RB1CC1: variants seen among roughly 807,000 people sequenced by gnomAD.
The protein encoded by RB1CC1 is RB1-inducible coiled-coil protein 1.
A neutral mutation model predicts 177.5 loss-of-function variants in RB1CC1; 46 were observed. The ratio of observed to expected loss-of-function variants is 0.26; its 90% CI spans 0.20 to 0.33. The LOEUF is 0.33. Among genes scored for constraint, RB1CC1 ranks in the 10% least tolerant of loss-of-function variants. The pLI is 1.00. For synonymous variants in RB1CC1, 666 were observed against 613.6 expected (o/e 1.09, Z -1.26); for missense variants, 1,703 against 1,816.3 (o/e 0.94, Z 1.13).
chr8:52,629,634 G>C (rs1389441789), intron 21 of RB1CC1, among the ~76,000 whole-genome samples: 1 of 152,122 alleles, frequency 6.6e-6, no homozygotes, highest in Admixed American at 6.6e-5. Flanking sequence ...TAACACAGAG[G>C]TTAAGCCTGA....
At chr8:52,706,743 A>C (rs1563477743) in intron 1 of RB1CC1, among the ~76,000 whole-genome samples, 1 of 151,636 alleles carries the variant, frequency 6.6e-6, no homozygotes, top group Non-Finnish European at 1.5e-5. Context: ...TTCAAAAAAA[A>C]AAAAAAAAGA....
At chr8:52,653,426 G>A (rs945299064) in intron 15 of RB1CC1, among the ~76,000 whole-genome samples, 1 of 152,188 alleles carries the variant, frequency 6.6e-6, no homozygotes, top group Non-Finnish European at 1.5e-5. Flanking sequence ...ATCTGTGGTA[G>A]TGGTTGTCCG....
chr8:52,679,556 A>C (rs1462570149), intron 5 of RB1CC1, among the ~76,000 whole-genome samples: 2 of 152,188 alleles, frequency 1.3e-5, no homozygotes, highest in South Asian at 2.1e-4. Flanking sequence ...CTTACACATA[A>C]TCATGTCTCA....
At chr8:52,697,812 T>G (rs931682129) in intron 1 of RB1CC1, among the ~76,000 whole-genome samples, 1 of 152,230 alleles carries the variant, frequency 6.6e-6, no homozygotes, top group African/African-American at 2.4e-5. Context: ...CAGGTCAGAA[T>G]GTATTTTAAA....
At chr8:52,665,317 G>A (rs1334891269) in intron 8 of RB1CC1, among the ~76,000 whole-genome samples, 2 of 152,066 alleles carry the variant, frequency 1.3e-5, no homozygotes, top group East Asian at 1.9e-4. Context: ...CATGGCAAAC[G>A]CTGAAAACAG....
intron 19 of RB1CC1, among the ~76,000 whole-genome samples, chr8:52,635,583 CTTTA>C (rs1849079241): frequency 6.6e-6 from 1 of 152,046 alleles, no homozygotes; most frequent in African/African-American, 2.4e-5. Context: ...CATTTCAATT[CTTTA>C]TTTAAAACAT....
chr8:52,628,462 A>G (rs1383294526), intron 21 of RB1CC1, among the ~76,000 whole-genome samples: 1 of 152,222 alleles, frequency 6.6e-6, no homozygotes, highest in African/African-American at 2.4e-5. Flanking sequence ...AGCACCCATT[A>G]CAGTTTATCC....
rs1852216210 is a variant in RB1CC1 at position 52,667,954 on chromosome 8, T to C, written c.1173+67A>G. On this transcript the variant is annotated intron_variant, in intron 8 of 23. Transcript: ENST00000025008. Reference sequence around the variant, plus strand: ...AATATGGTGCACACCAAATTGATACTGCATATAAAACATGTGTACAAAAAA... The same window carrying C: ...AATATGGTGCACACCAAATTGATACCGCATATAAAACATGTGTACAAAAAA... 10 of 1,460,920 alleles carry C rather than the reference T, an allele frequency of 6.8e-6. No homozygotes were observed. In the South Asian group the frequency reaches 9.2e-5, roughly 13 times the overall value. 90.5% of individuals were successfully genotyped at this position (1,460,920 alleles called of 1,614,324 possible).
chr8:52,694,367 CCCCCGGGTAGT>C (rs142682084), intron 1 of RB1CC1, among the ~76,000 whole-genome samples: 1,831 of 152,280 alleles, frequency 0.012, 44 homozygotes, highest in African/African-American at 0.042. Context: ...AGGCTCATCC[CCCCCGGGTAGT>C]CCCCTGTGGA....
chr8:52,709,677 G>C (rs1856894009), intron 1 of RB1CC1, among the ~76,000 whole-genome samples: 1 of 152,232 alleles, frequency 6.6e-6, no homozygotes, highest in Non-Finnish European at 1.5e-5. Context: ...GGCAGTGGTT[G>C]TAGTGAGCCT....
rs1854029450 is a variant in RB1CC1 at position 52,684,137 on chromosome 8, A to C, written c.72-124T>G. 4.5e-6 allele frequency: 5 copies of C among 1,118,806 alleles called. No individual in the cohort carries two copies. In the South Asian group the frequency reaches 9.5e-5, roughly 21 times the overall value. The allele number at this position is 1,118,806 out of a possible 1,614,324, so 69.3% of individuals were successfully genotyped here. On this transcript the variant is annotated intron_variant, in intron 3 of 23. Transcript: ENST00000025008. ...TTTCACTCTAAAACCTTCCCCAAAA[A>C]CAGTAATAAAAATATAAGCTTCCTA...
At chr8:52,642,618 T>A in intron 17 of RB1CC1, 27 bp from the exon 18 acceptor site, 1 of 1,603,044 alleles carries the variant, frequency 6.2e-7, no homozygotes, top group Non-Finnish European at 8.5e-7. Flanking sequence ...TTTAAAAAAG[T>A]ATCATGTAAT....
chr8:52,661,195 C>CAGAA lies in RB1CC1; in HGVS notation c.1444_1445insTTCT (p.Arg482IlefsTer7). 1 of 1,613,948 alleles carries CAGAA rather than the reference C, an allele frequency of 6.2e-7. No homozygotes were observed. Among genetic ancestry groups the CAGAA allele is most frequent in the East Asian group, 2.2e-5 (1 of 44,834 alleles). On this transcript the variant is annotated frameshift_variant, in exon 10 of 24. Coordinates refer to ENST00000025008, the MANE Select transcript of RB1CC1 (RefSeq NM_014781.5). LOFTEE classifies it high-confidence loss of function. ...ACTAAGAGCTTCAACAATTTTGACT[C>CAGAA]TTTCTAACAGCTCTATTACGAGGCG...
intron 1 of RB1CC1, among the ~76,000 whole-genome samples, chr8:52,697,416 T>A (rs966164237): frequency 6.6e-6 from 1 of 152,120 alleles, no homozygotes; most frequent in East Asian, 1.9e-4. Flanking sequence ...AACTGTATAA[T>A]AACATTTTTG....
At chr8:52,708,537 C>T (rs1856788061) in intron 1 of RB1CC1, among the ~76,000 whole-genome samples, 1 of 149,766 alleles carries the variant, frequency 6.7e-6, no homozygotes, top group Non-Finnish European at 1.5e-5. Context: ...AACAAACAAA[C>T]AAACAAAAGT....
intron 1 of RB1CC1, among the ~76,000 whole-genome samples, chr8:52,706,896 A>G (rs578217090): frequency 6.6e-6 from 1 of 152,186 alleles, no homozygotes; most frequent in South Asian, 2.1e-4. Flanking sequence ...TCCTGACCCC[A>G]AGTGATCTGT....
At chr8:52,690,398 T>C (rs987730039) in intron 1 of RB1CC1, among the ~76,000 whole-genome samples, 2 of 152,204 alleles carry the variant, frequency 1.3e-5, no homozygotes, top group African/African-American at 4.8e-5. Flanking sequence ...ATAGTCTTTG[T>C]CCTCATGGAG....
At chr8:52,641,713 G>C (rs1032845292) in intron 18 of RB1CC1, among the ~76,000 whole-genome samples, 1 of 152,022 alleles carries the variant, frequency 6.6e-6, no homozygotes, top group Non-Finnish European at 1.5e-5. Context: ...TTCTGCCCTT[G>C]GAATCTCAGT....
At chr8:52,624,669 ATCT>A (rs1235960145) in intron 23 of RB1CC1, 45 bp downstream of exon 23, 2 of 1,415,392 alleles carry the variant, frequency 1.4e-6, no homozygotes, top group African/African-American at 1.4e-5. Context: ...CAGTATTAAA[ATCT>A]TCTTTACAGT....
Sources: gnomAD v4.1 joint callset for allele counts (sites outside exome capture counted in the v4.1 genomes callset) on GRCh38, gnomAD v4.1.1 for gene constraint, MANE v1.5 for transcripts, NCBI Gene and HGNC (gene_info 2026-07-23, HGNC 2026-07-21) for gene names.